Variants in LETM1 observed in about 807,000 individuals in gnomAD.
LETM1 encodes leucine zipper and EF-hand containing transmembrane protein 1, also known as mitochondrial proton/calcium exchanger protein.
A neutral mutation model predicts 74.5 loss-of-function variants in LETM1; 50 were observed. The observed-to-expected ratio is 0.67, with a 90% confidence interval of 0.53 to 0.85. The LOEUF is 0.85. Among genes scored for constraint, LETM1 ranks in the 40% least tolerant of loss-of-function variants. The pLI is 0.00. For synonymous variants in LETM1, 446 were observed against 407.1 expected (o/e 1.10, Z -1.15); for missense variants, 824 against 967.8 (o/e 0.85, Z 1.97).
intron 6 of LETM1, among the ~76,000 whole-genome samples, chr4:1,829,850 C>G (rs1376142428): frequency 6.6e-6 from 1 of 152,034 alleles, no homozygotes; most frequent in African/African-American, 2.4e-5. Flanking sequence ...AAAGACCTGG[C>G]ATTCATAAAT....
At position 1,825,605 on chromosome 4, in the gene LETM1, G is replaced by A; in HGVS notation, c.1159C>T (p.Leu387=). The change falls in exon 7 of 14, where the codon CTG becomes TTG. Residue 387 remains leucine (L), a synonymous_variant. Coordinates refer to ENST00000302787, the MANE Select transcript of LETM1 (RefSeq NM_012318.3). The part of the protein sequence containing the change: ...AACRARGMRA[L]GVTEDRLRGQ... ...CTCAGGCGGTCTTCCGTGACGCCCAGGGCCCGCATGCCTCGTGCCCGACAC... is the reference window on the plus strand; with the variant it reads ...CTCAGGCGGTCTTCCGTGACGCCCAAGGCCCGCATGCCTCGTGCCCGACAC... 1 of 1,613,948 alleles carries A rather than the reference G, an allele frequency of 6.2e-7. No homozygotes were observed. The highest frequency in any genetic ancestry group is 8.5e-7 in the Non-Finnish European group (1 of 1,179,914).
In LETM1 at chr4:1,815,911, C is replaced by T. The variant is rs543549113; in HGVS notation, c.1932-109G>A. On this transcript the variant is annotated intron_variant, in intron 12 of 13. Transcript: ENST00000302787. The stretch of plus-strand genomic sequence containing the variant: ...GTCAGCACTGACACAGGCGGCTCCG[C>T]GTGAGCCAGGCAACCTCCAGCACGG... The T allele has an allele frequency of 1.4e-4, 196 of 1,395,984 alleles. No homozygotes were observed. In the Middle Eastern group the frequency reaches 2.4e-3, roughly 17 times the overall value. 86.5% of individuals were successfully genotyped at this position (1,395,984 alleles called of 1,614,324 possible). A position where few individuals can be genotyped will look rare whatever the true frequency, so the allele number is the denominator to read the frequency against.
rs536718471 is a variant in LETM1 at position 1,842,171 on chromosome 4, A to G, written c.144-374T>C. Among the ~76,000 whole-genome samples the G allele has an allele frequency of 5.9e-5, 9 of 152,236 alleles. No individual in the cohort carries two copies. The South Asian group carries it at 1.9e-3, about 32-fold the overall frequency. ...CATTGCTTTGGCACTTCGTGGGGGAATGGAGTGCAGAGCAGAGACTTTGTT... is the reference window on the plus strand; with the variant it reads ...CATTGCTTTGGCACTTCGTGGGGGAGTGGAGTGCAGAGCAGAGACTTTGTT... On this transcript the variant is annotated intron_variant, in intron 2 of 13. Transcript: ENST00000302787.
At position 1,814,290 on chromosome 4, in the gene LETM1, T is replaced by C. The variant is rs1380903158; in HGVS notation, c.*134A>G. ...GGAATGATGAAAATTAAAATTTACT[T>C]GATTATGGAAGTCTCTGATTTATTC... On this transcript the variant is annotated 3_prime_UTR_variant, in exon 14 of 14. Transcript: ENST00000302787. The C allele has an allele frequency of 3.0e-6, 4 of 1,344,256 alleles. No individual in the cohort carries two copies. In the African/African-American group the frequency reaches 4.4e-5, roughly 15 times the overall value. The allele number at this position is 1,344,256 out of a possible 1,614,324, so 83.3% of individuals were successfully genotyped here. A position where few individuals can be genotyped will look rare whatever the true frequency, so the allele number is the denominator to read the frequency against.
rs1712472071 is a variant in LETM1, at chr4:1,836,650, T to C, written c.595-78A>G. 3 of 1,511,394 alleles carry C rather than the reference T, an allele frequency of 2.0e-6. No homozygotes were observed. Among genetic ancestry groups the C allele is most frequent in the African/African-American group, 1.4e-5 (1 of 72,198 alleles). 93.6% of individuals were successfully genotyped at this position (1,511,394 alleles called of 1,614,324 possible). ...GCAAGGGGTGTGAGCATTTCTCCTA[T>C]AATGGTTTATAGGCACAACCTCAGG... On this transcript the variant is annotated intron_variant, in intron 3 of 13. Coordinates refer to ENST00000302787, the MANE Select transcript of LETM1 (RefSeq NM_012318.3). This position sits in a 1 kb window ranked among gnomAD's most constrained non-coding sequence, Gnocchi z 5.8.
rs1712464074 is a variant in LETM1 at position 1,836,410 on chromosome 4, G to A, written c.738+19C>T. 6.2e-7 allele frequency: 1 copy of A among 1,613,116 alleles called. No individual in the cohort carries two copies. Among genetic ancestry groups the A allele is most frequent in the South Asian group, 1.1e-5 (1 of 91,062 alleles). ...TTTCAGACTCATTCTAAAACAAGCA[G>A]TTGGGATGCTGCCCTTACCTTGAGT... On this transcript the variant is annotated intron_variant, in intron 4 of 13. Coordinates refer to ENST00000302787, the MANE Select transcript of LETM1 (RefSeq NM_012318.3). The surrounding 1 kb of genome is among the most constrained non-coding windows in gnomAD (Gnocchi z 5.8).
chr4:1,814,685 G>A (rs968318712), intron 13 of LETM1, 112 bp from the exon 14 acceptor site: 83 of 844,734 alleles, frequency 9.8e-5, no homozygotes, highest in Middle Eastern at 6.6e-4. Context: ...CAGCATGCAC[G>A]CAATCACTGC....
intron 12 of LETM1, 71 bp downstream of exon 12, chr4:1,816,656 G>C (rs1342000064): frequency 2.0e-6 from 3 of 1,473,868 alleles, no homozygotes; most frequent in Non-Finnish European, 2.8e-6. Context: ...GGCCCAGCTC[G>C]GATCCAGCAA....
chr4:1,835,565 C>A (rs931046737), intron 4 of LETM1, among the ~76,000 whole-genome samples: 1 of 152,214 alleles, frequency 6.6e-6, no homozygotes, highest in Non-Finnish European at 1.5e-5. Context: ...AGGCGTCTGG[C>A]CTTCATGGCT....
intron 10 of LETM1, among the ~76,000 whole-genome samples, chr4:1,821,313 C>T (rs927009263): frequency 3.3e-5 from 5 of 151,186 alleles, no homozygotes; most frequent in East Asian, 2.0e-4. Context: ...AGGATGGTCT[C>T]GATCTCCTGA....
At chr4:1,843,427 C>T (rs1712774403) in intron 2 of LETM1, among the ~76,000 whole-genome samples, 1 of 152,234 alleles carries the variant, frequency 6.6e-6, no homozygotes, top group Non-Finnish European at 1.5e-5. Flanking sequence ...GTGCAGGGCA[C>T]TGTCAGCCCA....
intron 1 of LETM1, among the ~76,000 whole-genome samples, chr4:1,852,181 G>C (rs1194648326): frequency 6.6e-6 from 1 of 152,200 alleles, no homozygotes; most frequent in Non-Finnish European, 1.5e-5. Context: ...CATGTGCCCA[G>C]GCTTACCCAA....
At chr4:1,843,709 C>T (rs1712784316) in intron 2 of LETM1, among the ~76,000 whole-genome samples, 1 of 152,198 alleles carries the variant, frequency 6.6e-6, no homozygotes, top group African/African-American at 2.4e-5. Context: ...CTCCCCAATC[C>T]CTGTGAGGGC....
chr4:1,820,258 T>C (rs1056701580), intron 10 of LETM1, among the ~76,000 whole-genome samples: 4 of 152,132 alleles, frequency 2.6e-5, no homozygotes, highest in African/African-American at 9.7e-5. Context: ...TTTCTTTCCC[T>C]CAGCAACATT....
rs550093037 is a variant in LETM1, at chr4:1,821,005, G to C, written c.1608+1176C>G. Among the ~76,000 whole-genome samples, 37 of 152,134 alleles carry C rather than the reference G, an allele frequency of 2.4e-4. 1 individual carries two copies. In the Middle Eastern group the frequency reaches 0.014, roughly 56 times the overall value. On this transcript the variant is annotated intron_variant, in intron 10 of 13. Transcript: ENST00000302787. The stretch of plus-strand genomic sequence containing the variant: ...TGTCTGCACTGCAGACTGGGCAACA[G>C]AGTGAGATCCCACCTCAAAAGAAAA...
chr4:1,855,842 C>T (rs112317504), intron 1 of LETM1, 27 bp downstream of exon 1: 1 of 1,207,082 alleles, frequency 8.3e-7, no homozygotes, highest in Non-Finnish European at 1.0e-6. Context: ...CGGGAGCCGG[C>T]CCCGCCCTGG....
At chr4:1,847,433 G>T (rs189611173) in intron 2 of LETM1, among the ~76,000 whole-genome samples, 2 of 152,230 alleles carry the variant, frequency 1.3e-5, no homozygotes, top group African/African-American at 4.8e-5. Flanking sequence ...GAAGTAAAAT[G>T]GTTCAGCTCA....
intron 6 of LETM1, among the ~76,000 whole-genome samples, chr4:1,828,332 C>A (rs1712093060): frequency 3.9e-5 from 4 of 102,900 alleles, no homozygotes; most frequent in African/African-American, 1.7e-4. Context: ...GGGGGCTGAC[C>A]CCCCCCACCT....
chr4:1,850,513 C>A (rs1290831881), intron 1 of LETM1, among the ~76,000 whole-genome samples: 1 of 151,814 alleles, frequency 6.6e-6, no homozygotes, highest in Admixed American at 6.6e-5. Flanking sequence ...AGAATTACTA[C>A]AACCGGACCG....
Sources: allele counts gnomAD v4.1 joint callset (sites outside exome capture counted in the v4.1 genomes callset), GRCh38; gene constraint gnomAD v4.1.1; non-coding constraint Gnocchi (gnomAD v3.1); transcripts MANE v1.5; gene names NCBI Gene and HGNC (gene_info 2026-07-23, HGNC 2026-07-21).